Variants in MAP4K5 observed in about 807,000 individuals in gnomAD.
MAP4K5 encodes the protein mitogen-activated protein kinase kinase kinase kinase 5.
A neutral mutation model predicts 135.6 loss-of-function variants in MAP4K5; 82 were observed. The observed-to-expected ratio is 0.60, with a 90% CI of 0.51 to 0.73. MAP4K5 has a LOEUF of 0.73. Ranked by LOEUF, MAP4K5 falls within the 30% of genes least tolerant of loss-of-function variation. MAP4K5 has a pLI of 0.00. For synonymous variants in MAP4K5, 347 were observed against 335.0 expected, an observed-to-expected ratio of 1.04 and a Z score of -0.39; for missense variants, 907 against 1,010.9, an observed-to-expected ratio of 0.90 and a Z score of 1.39.
intron 2 of MAP4K5, among the ~76,000 whole-genome samples, chr14:50,520,818 AT>A (rs1346024991): frequency 1.5e-5 from 2 of 130,964 alleles, no homozygotes; most frequent in Non-Finnish European, 3.2e-5. Context: ...CGGCAAAGTC[AT>A]CTTTTTTTTT....
intron 24 of MAP4K5, 24 bp downstream of exon 24, chr14:50,438,068 T>C: frequency 1.0e-6 from 1 of 990,618 alleles, no homozygotes; most frequent in Non-Finnish European, 1.6e-6. Context: ...AATACAATTT[T>C]CGAGAAAAAG....
chr14:50,422,104 C>T (rs2035748071), intron 32 of MAP4K5, among the ~76,000 whole-genome samples: 1 of 152,096 alleles, frequency 6.6e-6, no homozygotes, highest in African/African-American at 2.4e-5. Context: ...GCCTCGGCCT[C>T]CCAAAGTGCT....
intron 1 of MAP4K5, among the ~76,000 whole-genome samples, chr14:50,555,192 C>T (rs1178667127): frequency 6.6e-6 from 1 of 152,148 alleles, no homozygotes; most frequent in East Asian, 1.9e-4. Flanking sequence ...CTAGAGCAGC[C>T]ATCATGGAAC....
At chr14:50,478,474 T>A (rs970474468) in intron 6 of MAP4K5, among the ~76,000 whole-genome samples, 3 of 152,148 alleles carry the variant, frequency 2.0e-5, no homozygotes, top group Non-Finnish European at 4.4e-5. Flanking sequence ...CATCTTTTTC[T>A]AGCTTCTTAG....
chr14:50,536,481 T>C (rs2140140120), upstream of MAP4K5, among the ~76,000 whole-genome samples: 1 of 151,000 alleles, frequency 6.6e-6, no homozygotes, highest in Admixed American at 6.6e-5. Context: ...AGTGAGATGT[T>C]GCTGAAAAGT....
chr14:50,525,953 A>G (rs879483541), intron 2 of MAP4K5, among the ~76,000 whole-genome samples: 2 of 152,186 alleles, frequency 1.3e-5, no homozygotes, highest in Non-Finnish European at 2.9e-5. Flanking sequence ...CCATCTATAA[A>G]ATAATAAAAA....
In MAP4K5 at chr14:50,440,054, G is replaced by T; in HGVS notation, c.1664C>A (p.Thr555Asn). Reference protein sequence around the residue: ...TMEQLFPRKCTWLYVINNTLM... With the variant: ...TMEQLFPRKCNWLYVINNTLM... ...AGTATTATTGATAACATACAGCCAA[G>T]TACACTTCCGTGGAAATAACTAAGA... is the stretch of plus-strand genomic sequence containing the variant. The change falls in exon 23 of 33, where the codon ACT (threonine) becomes AAT (asparagine). Residue 555 changes from threonine to asparagine, a missense_variant. By Grantham distance (65) the Thr-to-Asn change is moderately conservative (BLOSUM62 0). Around this residue, in one of 3 missense-constraint regions of MAP4K5, gnomAD observed 690 missense variants for 777.4 expected, o/e 0.89. Transcript: ENST00000682126. The T allele has an allele frequency of 6.5e-7, 1 of 1,531,544 alleles. No individual in the cohort carries two copies. Among genetic ancestry groups the T allele is most frequent in the Non-Finnish European group, 8.9e-7 (1 of 1,121,304 alleles). 94.9% of individuals were successfully genotyped at this position (1,531,544 alleles called of 1,614,324 possible). A position where few individuals can be genotyped will look rare whatever the true frequency, so the allele number is the denominator to read the frequency against.
chr14:50,532,935 A>G (rs991675872), upstream of MAP4K5: 1 of 152,304 alleles, frequency 6.6e-6, no homozygotes, highest in Non-Finnish European at 1.5e-5. Context: ...CTCCAAGTTA[A>G]ACACGGAAAA....
intron 1 of MAP4K5, among the ~76,000 whole-genome samples, chr14:50,552,081 C>T (rs574693597): frequency 5.3e-5 from 8 of 152,210 alleles, no homozygotes; most frequent in South Asian, 4.1e-4. Context: ...TGTTGCTGTT[C>T]GCCGATGATA....
At chr14:50,454,436 T>A (rs1421395468) in intron 14 of MAP4K5, among the ~76,000 whole-genome samples, 1 of 152,130 alleles carries the variant, frequency 6.6e-6, no homozygotes, top group Non-Finnish European at 1.5e-5. Flanking sequence ...TTTTACTGTA[T>A]GTAAGCTACC....
chr14:50,538,644 A>G (rs902992360), intron 2 of MAP4K5, among the ~76,000 whole-genome samples: 1 of 152,148 alleles, frequency 6.6e-6, no homozygotes, highest in Non-Finnish European at 1.5e-5. Flanking sequence ...AAAAGCTACA[A>G]TGCTTGGCTG....
At chr14:50,468,089 A>C (rs536376906) in intron 10 of MAP4K5, among the ~76,000 whole-genome samples, 1 of 152,262 alleles carries the variant, frequency 6.6e-6, no homozygotes, top group South Asian at 2.1e-4. Flanking sequence ...AATGTAAATG[A>C]TAATTATATT....
chr14:50,475,574 T>C (rs1053016251), intron 8 of MAP4K5, among the ~76,000 whole-genome samples: 13 of 152,164 alleles, frequency 8.5e-5, no homozygotes, highest in African/African-American at 2.9e-4. Context: ...TAGTTAAACA[T>C]GATTGTATTG....
intron 13 of MAP4K5, among the ~76,000 whole-genome samples, chr14:50,458,123 C>T (rs1266876730): frequency 6.6e-6 from 1 of 152,166 alleles, no homozygotes; most frequent in Non-Finnish European, 1.5e-5. Context: ...ACCTTCTTCA[C>T]ATTCTTCAAA....
chr14:50,481,309 T>A (rs1415183074), intron 6 of MAP4K5, among the ~76,000 whole-genome samples: 1 of 149,878 alleles, frequency 6.7e-6, no homozygotes, highest in Non-Finnish European at 1.5e-5. Flanking sequence ...TATATATAAA[T>A]ATATATATGT....
chr14:50,490,384 G>C (rs1049290167), intron 3 of MAP4K5, among the ~76,000 whole-genome samples: 7 of 152,152 alleles, frequency 4.6e-5, no homozygotes, highest in African/African-American at 1.7e-4. Context: ...ATTTGTTATA[G>C]CATGCTGGGT....
chr14:50,423,761 C>T (rs921279650), intron 31 of MAP4K5, among the ~76,000 whole-genome samples: 1 of 152,058 alleles, frequency 6.6e-6, no homozygotes, highest in African/African-American at 2.4e-5. Flanking sequence ...AGAGCAAGAC[C>T]CTGTATACTC....
intron 2 of MAP4K5, among the ~76,000 whole-genome samples, chr14:50,507,473 T>C (rs1374832444): frequency 6.6e-6 from 1 of 152,230 alleles, no homozygotes. Context: ...CTGCTTTCTT[T>C]TGTGGGCATT....
At chr14:50,488,124 G>C (rs936230625) in intron 3 of MAP4K5, among the ~76,000 whole-genome samples, 1 of 152,242 alleles carries the variant, frequency 6.6e-6, no homozygotes, top group South Asian at 2.1e-4. Flanking sequence ...GAGGCCTCAG[G>C]AAACTTACAA....
Sources: allele counts gnomAD v4.1 joint callset (sites outside exome capture counted in the v4.1 genomes callset), GRCh38; gene constraint gnomAD v4.1.1; regional missense constraint gnomAD v4.1.1; transcripts MANE v1.5; gene names NCBI Gene and HGNC (gene_info 2026-07-23, HGNC 2026-07-21).